Variants in SCRN1 observed in about 807,000 individuals in gnomAD.
SCRN1 encodes secernin-1.
SCRN1 carries 19 observed loss-of-function variants against 43.3 expected under a neutral mutation model. That is an observed-to-expected ratio of 0.44 (90% CI 0.31 to 0.64). SCRN1 has a LOEUF of 0.64. Ranked by LOEUF, SCRN1 falls within the 30% of genes least tolerant of loss-of-function variation. SCRN1 has a pLI of 0.09. For synonymous variants in SCRN1, 183 were observed against 188.9 expected (o/e 0.97, Z 0.26); for missense variants, 447 against 524.1 (o/e 0.85, Z 1.44).
chr7:29,958,022 A>G (rs1788191574), intron 2 of SCRN1, among the ~76,000 whole-genome samples: 1 of 152,196 alleles, frequency 6.6e-6, no homozygotes, highest in Non-Finnish European at 1.5e-5. Context: ...TTTCAGGCCA[A>G]ACTCGGAATG....
At chr7:29,979,369 A>G (rs1224281631) in intron 1 of SCRN1, among the ~76,000 whole-genome samples, 1 of 152,182 alleles carries the variant, frequency 6.6e-6, no homozygotes, top group Non-Finnish European at 1.5e-5. Context: ...TCTCAAAAAG[A>G]AAAAGAAAAA....
intron 1 of SCRN1, chr7:29,988,825 T>C (rs889714160): frequency 4.1e-4 from 63 of 152,276 alleles, no homozygotes; most frequent in African/African-American, 1.4e-3. Context: ...TTCATGGACA[T>C]TTTTATTCCC....
At position 29,944,184 on chromosome 7, in the gene SCRN1, A is replaced by G; in HGVS notation, c.342-5T>C. 1 of 1,613,988 alleles carries G rather than the reference A, an allele frequency of 6.2e-7. No homozygotes were observed. Among genetic ancestry groups the G allele is most frequent in the Non-Finnish European group, 8.5e-7 (1 of 1,179,814 alleles). The stretch of plus-strand genomic sequence containing the variant: ...TCCCCTCTTTCTAAACCAAGCCTGC[A>G]GGAAGGAAACCAGAACCATACTTCA... On this transcript the variant is annotated splice_region_variant and splice_polypyrimidine_tract_variant and intron_variant, in intron 3 of 7. Coordinates refer to ENST00000242059, the MANE Select transcript of SCRN1 (RefSeq NM_014766.5).
chr7:29,959,508 G>A (rs1051790447), intron 2 of SCRN1, among the ~76,000 whole-genome samples: 9 of 152,102 alleles, frequency 5.9e-5, no homozygotes, highest in African/African-American at 1.2e-4. Flanking sequence ...GGGCTCAAGC[G>A]ATCCTCCCCT....
At chr7:29,939,847 TGATTTAA>T (rs1787470937) in intron 5 of SCRN1, among the ~76,000 whole-genome samples, 1 of 152,158 alleles carries the variant, frequency 6.6e-6, no homozygotes, top group Non-Finnish European at 1.5e-5. Context: ...ACATGGATTC[TGATTTAA>T]GTTAATAACT....
chr7:29,976,238 G>T (rs965579533), intron 1 of SCRN1, among the ~76,000 whole-genome samples: 6 of 152,132 alleles, frequency 3.9e-5, no homozygotes, highest in Non-Finnish European at 8.8e-5. Flanking sequence ...GCCACCAGCC[G>T]GATGGGCTAT....
At chr7:29,964,123 A>AT (rs1193811911) in intron 2 of SCRN1, among the ~76,000 whole-genome samples, 1 of 152,224 alleles carries the variant, frequency 6.6e-6, no homozygotes, top group Non-Finnish European at 1.5e-5. Flanking sequence ...CCACATAAAT[A>AT]TATGATTACC....
At chr7:29,970,931 T>A (rs956202510) in intron 1 of SCRN1, among the ~76,000 whole-genome samples, 9 of 152,240 alleles carry the variant, frequency 5.9e-5, no homozygotes, top group Admixed American at 2.6e-4. Context: ...TGCTTGTATA[T>A]TTCTTTACCT....
At position 29,920,356 on chromosome 7, in the gene SCRN1, C is replaced by T. The variant is rs1786713047; in HGVS notation, c.*3601G>A. On this transcript the variant is annotated 3_prime_UTR_variant, in exon 8 of 8. Coordinates refer to ENST00000242059, the MANE Select transcript of SCRN1 (RefSeq NM_014766.5). ...AATTGCAAACATGTACATATTGGTTCCCACGAGAAATCTGCAGGTGACATT... is the reference window on the plus strand; with the variant it reads ...AATTGCAAACATGTACATATTGGTTTCCACGAGAAATCTGCAGGTGACATT... The T allele has an allele frequency of 6.6e-6, 1 of 152,028 alleles. No individual in the cohort carries two copies. The allele number at this position is 152,028 out of a possible 1,614,324, so 9.4% of individuals were successfully genotyped here.
intron 2 of SCRN1, among the ~76,000 whole-genome samples, chr7:29,964,509 T>C (rs1430658609): frequency 1.2e-5 from 1 of 83,156 alleles, no homozygotes; most frequent in African/African-American, 4.6e-5. Flanking sequence ...GGGGCTAGGG[T>C]GGGTGGGTGA....
At chr7:29,930,122 C>G (rs559286498) in intron 6 of SCRN1, among the ~76,000 whole-genome samples, 8 of 151,862 alleles carry the variant, frequency 5.3e-5, no homozygotes, top group African/African-American at 1.9e-4. Context: ...AAATATAAAG[C>G]CTAAATGTAT....
intron 2 of SCRN1, among the ~76,000 whole-genome samples, chr7:29,956,883 G>GCAGT (rs1374193698): frequency 6.6e-6 from 1 of 152,116 alleles, no homozygotes; most frequent in Admixed American, 6.5e-5. Flanking sequence ...GCTGGCCAGA[G>GCAGT]CAGTAATCAA....
chr7:29,988,525 G>C (rs1399278552), intron 1 of SCRN1: 1 of 152,336 alleles, frequency 6.6e-6, no homozygotes, highest in African/African-American at 2.4e-5. Context: ...GGGGGCAGCT[G>C]ATGGTTGTGG....
intron 6 of SCRN1, among the ~76,000 whole-genome samples, chr7:29,929,207 A>G (rs955666899): frequency 3.3e-5 from 5 of 152,206 alleles, no homozygotes; most frequent in African/African-American, 1.2e-4. Context: ...AGCAGCCCAG[A>G]GTCAGCTCGG....
chr7:29,932,651 CAAAAAAAAAAAAAAAA>C (rs1162835669), intron 6 of SCRN1, among the ~76,000 whole-genome samples: 4 of 8,024 alleles, frequency 5.0e-4, no homozygotes, highest in Non-Finnish European at 1.2e-3. Context: ...GATTCCATCT[CAAAAAAAAAAAAAAAA>C]AAAAAAAAAA....
At chr7:29,944,573 C>A (rs868386050) in intron 3 of SCRN1, among the ~76,000 whole-genome samples, 1 of 149,072 alleles carries the variant, frequency 6.7e-6, no homozygotes, top group Non-Finnish European at 1.5e-5. Context: ...TGAGGTGGTA[C>A]GATCGCTTAA....
chr7:29,931,553 G>A (rs957911184), intron 6 of SCRN1, among the ~76,000 whole-genome samples: 3 of 152,190 alleles, frequency 2.0e-5, no homozygotes. Context: ...ATATTCTTCT[G>A]TTAGTTTTTC....
intron 3 of SCRN1, chr7:29,947,263 T>G: frequency 6.4e-7 from 1 of 1,550,808 alleles, no homozygotes; most frequent in Non-Finnish European, 8.7e-7. Flanking sequence ...TGGGAGCCCA[T>G]GACCTTCTCA....
At chr7:29,953,775 T>A (rs1299708112) in intron 3 of SCRN1, among the ~76,000 whole-genome samples, 1 of 152,056 alleles carries the variant, frequency 6.6e-6, no homozygotes, top group Non-Finnish European at 1.5e-5. Context: ...GAGGAGTGAG[T>A]TCCCGAGACC....
Sources: allele counts gnomAD v4.1 joint callset (sites outside exome capture counted in the v4.1 genomes callset), GRCh38; gene constraint gnomAD v4.1.1; transcripts MANE v1.5; gene names NCBI Gene and HGNC (gene_info 2026-07-23, HGNC 2026-07-21).